Variants in AK5 observed in about 807,000 individuals in gnomAD.
The protein encoded by AK5 is adenylate kinase 5, also known as adenylate kinase isoenzyme 5.
In AK5, 27 loss-of-function variants were observed where a neutral mutation model predicts 69.5. The observed-to-expected ratio is 0.39, with a 90% CI of 0.29 to 0.54. The LOEUF (loss-of-function observed/expected upper bound fraction) is 0.54, where lower values mean the gene tolerates loss of function less well. Among genes scored for constraint, AK5 ranks in the 20% least tolerant of loss-of-function variants. The pLI is 0.71. For missense variants in AK5, 531 were observed against 700.4 expected, an observed-to-expected ratio of 0.76 and a Z score of 2.73; for synonymous variants, 260 against 244.4, an observed-to-expected ratio of 1.06 and a Z score of -0.60.
At chr1:77,458,485 A>G (rs1653635859) in intron 8 of AK5, among the ~76,000 whole-genome samples, 1 of 152,186 alleles carries the variant, frequency 6.6e-6, no homozygotes, top group African/African-American at 2.4e-5. Context: ...CATACCTGAG[A>G]CTGATCAATT....
intron 12 of AK5, among the ~76,000 whole-genome samples, chr1:77,531,193 T>TA (rs1389104159): frequency 1.3e-5 from 2 of 151,954 alleles, no homozygotes; most frequent in Non-Finnish European, 2.9e-5. Flanking sequence ...GGCTCAGGAG[T>TA]GAAGCTGCAG....
intron 6 of AK5, among the ~76,000 whole-genome samples, chr1:77,384,369 A>C (rs1456327352): frequency 6.6e-6 from 1 of 152,232 alleles, no homozygotes; most frequent in Non-Finnish European, 1.5e-5. Flanking sequence ...AGTGATGGTG[A>C]TAATTATATC....
chr1:77,400,577 A>C (rs1195498071), intron 6 of AK5, among the ~76,000 whole-genome samples: 4 of 152,188 alleles, frequency 2.6e-5, no homozygotes, highest in African/African-American at 9.6e-5. Context: ...TGTCGTAGGA[A>C]TAATCAAAGT....
intron 12 of AK5, among the ~76,000 whole-genome samples, chr1:77,525,405 C>T (rs909221641): frequency 2.0e-5 from 3 of 152,210 alleles, no homozygotes; most frequent in Non-Finnish European, 4.4e-5. Flanking sequence ...TATTTTGGCT[C>T]ATGGTTCTGC....
At chr1:77,369,807 A>C (rs1373268892) in intron 6 of AK5, among the ~76,000 whole-genome samples, 1 of 152,234 alleles carries the variant, frequency 6.6e-6, no homozygotes, top group African/African-American at 2.4e-5. Context: ...AGTTTCAAAA[A>C]GTGTTTTGAC....
intron 6 of AK5, among the ~76,000 whole-genome samples, chr1:77,342,422 G>T (rs1323822883): frequency 6.6e-6 from 1 of 152,110 alleles, no homozygotes; most frequent in Non-Finnish European, 1.5e-5. Context: ...CTAATATTTT[G>T]CATGGAGGTG....
At chr1:77,395,860 A>G (rs1275294384) in intron 6 of AK5, among the ~76,000 whole-genome samples, 2 of 152,164 alleles carry the variant, frequency 1.3e-5, no homozygotes, top group African/African-American at 4.8e-5. Context: ...GATAATCCCA[A>G]GATTCTTATC....
intron 6 of AK5, among the ~76,000 whole-genome samples, chr1:77,399,016 A>G (rs2100543994): frequency 6.6e-6 from 1 of 152,298 alleles, no homozygotes; most frequent in Non-Finnish European, 1.5e-5. Context: ...GAAGCAATGC[A>G]TTATCTAGTC....
rs139791350 is a variant in AK5 at position 77,370,388 on chromosome 1, G to A, written c.891+29820G>A. Among the ~76,000 whole-genome samples the A allele has an allele frequency of 2.4e-3, 367 of 152,200 alleles. 4 individuals carry two copies. Among genetic ancestry groups the A allele is most frequent in the African/African-American group, 8.4e-3 (349 of 41,524 alleles). Reference sequence around the variant, plus strand: ...TCACAAACTCACACGCAACCTCAAAGCCCTACAGGCTCTCTCAAAGTAAAC... The same window carrying A: ...TCACAAACTCACACGCAACCTCAAAACCCTACAGGCTCTCTCAAAGTAAAC... On this transcript the variant is annotated intron_variant, in intron 6 of 13. Coordinates refer to ENST00000354567, the MANE Select transcript of AK5 (RefSeq NM_174858.3).
intron 6 of AK5, among the ~76,000 whole-genome samples, chr1:77,374,302 A>G (rs1000704377): frequency 6.6e-6 from 1 of 152,130 alleles, no homozygotes; most frequent in Non-Finnish European, 1.5e-5. Context: ...CTTGATAGCA[A>G]AGTGTCCAAT....
At chr1:77,398,152 C>T (rs1648955195) in intron 6 of AK5, among the ~76,000 whole-genome samples, 1 of 152,070 alleles carries the variant, frequency 6.6e-6, no homozygotes. Flanking sequence ...GGATGAATCA[C>T]ATGGACTTAA....
intron 8 of AK5, among the ~76,000 whole-genome samples, chr1:77,440,506 G>A (rs1652257122): frequency 6.6e-6 from 1 of 152,130 alleles, no homozygotes; most frequent in African/African-American, 2.4e-5. Flanking sequence ...GGATTTGAAT[G>A]TCCATATATC....
intron 6 of AK5, among the ~76,000 whole-genome samples, chr1:77,366,438 A>T (rs1031741716): frequency 1.3e-5 from 2 of 152,188 alleles, no homozygotes; most frequent in African/African-American, 4.8e-5. Context: ...TATGGATAAG[A>T]CTATTATATT....
chr1:77,479,235 G>T (rs1034502337), intron 8 of AK5, among the ~76,000 whole-genome samples: 1 of 109,170 alleles, frequency 9.2e-6, no homozygotes, highest in African/African-American at 3.7e-5. Flanking sequence ...GCGGAATTTC[G>T]CTCTTGTTGC....
chr1:77,470,951 G>T (rs1422305154), intron 8 of AK5, among the ~76,000 whole-genome samples: 2 of 139,510 alleles, frequency 1.4e-5, no homozygotes, highest in Non-Finnish European at 3.0e-5. Flanking sequence ...CATGATCTTG[G>T]CTCACTGCAA....
At chr1:77,366,837 A>G (rs1646957797) in intron 6 of AK5, among the ~76,000 whole-genome samples, 1 of 152,030 alleles carries the variant, frequency 6.6e-6, no homozygotes, top group African/African-American at 2.4e-5. Flanking sequence ...ATGCTGGTAA[A>G]TTACTCAGTG....
At chr1:77,461,630 C>T (rs1653849294) in intron 8 of AK5, among the ~76,000 whole-genome samples, 1 of 151,692 alleles carries the variant, frequency 6.6e-6, no homozygotes, top group Admixed American at 6.6e-5. Context: ...ATTAGCGGGG[C>T]ATGGTGGTGC....
chr1:77,466,979 G>T (rs78544963), intron 8 of AK5, among the ~76,000 whole-genome samples: 8 of 152,156 alleles, frequency 5.3e-5, no homozygotes, highest in African/African-American at 1.9e-4. Context: ...TATTTTCCAT[G>T]TATAAAGCAA....
At chr1:77,520,286 A>G (rs542923527) in intron 11 of AK5, among the ~76,000 whole-genome samples, 1 of 151,452 alleles carries the variant, frequency 6.6e-6, no homozygotes, top group East Asian at 1.9e-4. Flanking sequence ...TCCAGCCTTT[A>G]TTCAAGATGG....
Sources: gnomAD v4.1 joint callset for allele counts (sites outside exome capture counted in the v4.1 genomes callset) on GRCh38, gnomAD v4.1.1 for gene constraint, MANE v1.5 for transcripts, NCBI Gene and HGNC (gene_info 2026-07-23, HGNC 2026-07-21) for gene names.